The following LCN15 variants were observed in gnomAD, a reference collection of about 807,000 sequenced individuals.
The protein encoded by LCN15 is lipocalin 15.
LCN15 carries 26 observed loss-of-function variants against 23.1 expected under a neutral mutation model. The observed-to-expected ratio is 1.13, with a 90% CI of 0.82 to 1.56. The LOEUF (loss-of-function observed/expected upper bound fraction) is 1.56. Ranked by LOEUF, LCN15 falls within the 40% of genes most tolerant of loss-of-function variation. The pLI, the probability that LCN15 is intolerant of heterozygous loss-of-function variation, is 0.00. For synonymous variants in LCN15, 107 were observed against 98.3 expected (o/e 1.09, Z -0.52); for missense variants, 241 against 239.5 (o/e 1.01, Z -0.04).
At chr9:136,763,022 G>A (rs934323013) in intron 4 of LCN15, among the ~76,000 whole-genome samples, 12 of 151,332 alleles carry the variant, frequency 7.9e-5, no homozygotes, top group African/African-American at 2.2e-4. Context: ...GGCCAGAGAG[G>A]AGCATGCACC....
At position 136,763,892 on chromosome 9, in the gene LCN15, G is replaced by A. The variant is rs1280630339; in HGVS notation, c.214C>T (p.His72Tyr). Reference sequence around the variant, plus strand: ...CACCCCGGGAACTCCATGTGGACGTGGAGGCCGCCCTCCTCTGTGGGCCTG... The same window carrying A: ...CACCCCGGGAACTCCATGTGGACGTAGAGGCCGCCCTCCTCTGTGGGCCTG... ...AIRPTEEGGL[H>Y]VHMEFPGADG... Residue 72 changes from histidine (H) to tyrosine (Y), a missense_variant, in exon 2 of 7, where the codon CAC becomes TAC. Coordinates refer to ENST00000316144, the MANE Select transcript of LCN15 (RefSeq NM_203347.2). 5 of 1,613,556 alleles carry A rather than the reference G, an allele frequency of 3.1e-6. No individual in the cohort carries two copies. Among genetic ancestry groups the A allele is most frequent in the Non-Finnish European group, 4.2e-6 (5 of 1,179,978 alleles).
chr9:136,763,278 C>CG lies in LCN15; in HGVS notation c.418+78dup, dbSNP rs935591982. 29 of 557,226 alleles carry CG rather than the reference C, an allele frequency of 5.2e-5. No individual in the cohort carries two copies. In the African/African-American group the frequency reaches 1.3e-3, roughly 25 times the overall value. 34.5% of individuals were successfully genotyped at this position (557,226 alleles called of 1,614,324 possible). ...GGCGCGGGGCGGCAGGCGGGCGGGG[C>CG]GGGGGTAGGCAGAACGGGGGGCGGG... On this transcript the variant is annotated intron_variant, in intron 4 of 6. Transcript: ENST00000316144.
Position 136,761,809 on chromosome 9 carries a change from T to C in LCN15, c.*10A>G, listed in dbSNP as rs1161965629. 1.6e-6 allele frequency: 2 copies of C among 1,287,144 alleles called. No homozygotes were observed. Among genetic ancestry groups the C allele is most frequent in the Admixed American group, 3.8e-5 (1 of 26,166 alleles). The allele number at this position is 1,287,144 out of a possible 1,614,324, so 79.7% of individuals were successfully genotyped here. A position where few individuals can be genotyped will look rare whatever the true frequency, so the allele number is the denominator to read the frequency against. ...CACCTGGGAAGGGCGGGGGTGGGGCTCCGGAGGTGTCAGGGCGCCTCCTTG... is the reference window on the plus strand; with the variant it reads ...CACCTGGGAAGGGCGGGGGTGGGGCCCCGGAGGTGTCAGGGCGCCTCCTTG... On this transcript the variant is annotated 3_prime_UTR_variant, in exon 6 of 7. Transcript: ENST00000316144. This position sits in a 1 kb window ranked among gnomAD's most constrained non-coding sequence, Gnocchi z 4.2.
chr9:136,764,405 G>T lies in LCN15; in HGVS notation c.84C>A (p.Phe28Leu). Residue 28 changes from phenylalanine (F) to leucine (L), a missense_variant, in exon 1 of 7, where the codon TTC (phenylalanine) becomes TTA (leucine). By Grantham distance (22) the Phe-to-Leu change is conservative (BLOSUM62 0). Transcript: ENST00000316144. ...AQAEVLLQPD[F>L]NAEKFSGLWY... ...AGGCCCCTGGTACCTTTTCAGCATT[G>T]AAGTCAGGCTGCAGCAGAACCTCAG... 1.2e-6 allele frequency: 2 copies of T among 1,613,134 alleles called. No homozygotes were observed. Among genetic ancestry groups the T allele is most frequent in the Non-Finnish European group, 1.7e-6 (2 of 1,179,586 alleles).
chr9:136,762,745 C>CA (rs1314574838), intron 4 of LCN15, among the ~76,000 whole-genome samples: 1 of 151,972 alleles, frequency 6.6e-6, no homozygotes, highest in African/African-American at 2.4e-5. Context: ...ACTAAAAATA[C>CA]AAAAAATTAT....
Position 136,763,402 on chromosome 9 carries a change from AG to A in LCN15, c.372del (p.Tyr125ThrfsTer21). ...CTGAGGGCCCCCTCCAGCTCCTTGTAGATGTAAAGGACGGCGAAGGAGCTGT... is the reference window on the plus strand; with the variant it reads ...CTGAGGGCCCCCTCCAGCTCCTTGTAATGTAAAGGACGGCGAAGGAGCTGT... ...TDYSSFAVLY[I>X]YKELEGALST... On this transcript the variant is annotated frameshift_variant, in exon 4 of 7. Coordinates refer to ENST00000316144, the MANE Select transcript of LCN15 (RefSeq NM_203347.2). LOFTEE classifies it high-confidence loss of function. The A allele has an allele frequency of 2.5e-6, 4 of 1,608,636 alleles. No homozygotes were observed. Among genetic ancestry groups the A allele is most frequent in the Non-Finnish European group, 3.4e-6 (4 of 1,177,940 alleles).
At chr9:136,764,280 C>A in intron 1 of LCN15, 113 bp downstream of exon 1, 1 of 1,088,932 alleles carries the variant, frequency 9.2e-7, no homozygotes, top group South Asian at 1.5e-5. Context: ...ATAGCACGTG[C>A]CTGGCCGGGC....
chr9:136,763,273 C>T (rs1847340508), intron 4 of LCN15, 84 bp downstream of exon 4: 5 of 547,252 alleles, frequency 9.1e-6, no homozygotes, highest in Non-Finnish European at 1.3e-5. Flanking sequence ...GGCAGGCGGG[C>T]GGGGCGGGGG....
rs1847327103 is a variant in LCN15 at position 136,762,230 on chromosome 9, G to A, written c.478C>T (p.Leu160=). 2.5e-6 allele frequency: 4 copies of A among 1,601,482 alleles called. No individual in the cohort carries two copies. Among genetic ancestry groups the A allele is most frequent in the African/African-American group, 1.3e-5 (1 of 74,446 alleles). The change falls in exon 5 of 7, where the codon CTG becomes TTG. Residue 160 remains leucine, a synonymous_variant. Transcript: ENST00000316144. The part of the protein sequence containing the change: ...LKSFQDFYPT[L]GLPKDMMVML... ...ACCATCATGTCCTTGGGGAGCCCCA[G>A]GGTCGGGTAGAAGTCCTGGAAGGAC...
Position 136,761,902 on chromosome 9 carries a change from C to A in LCN15, c.521-49G>T. ...AGATGCTGACGGCCAGGACCGCCCT[C>A]GCTTCCCGCAGCCCCCAACCCCTGG... On this transcript the variant is annotated intron_variant, in intron 5 of 6. Transcript: ENST00000316144. This position sits in a 1 kb window ranked among gnomAD's most constrained non-coding sequence, Gnocchi z 4.2. 3.0e-6 allele frequency: 4 copies of A among 1,315,252 alleles called. No individual in the cohort carries two copies. The highest frequency in any genetic ancestry group is 3.9e-6 in the Non-Finnish European group (4 of 1,027,442). 81.5% of individuals were successfully genotyped at this position (1,315,252 alleles called of 1,614,324 possible). A position where few individuals can be genotyped will look rare whatever the true frequency, so the allele number is the denominator to read the frequency against.
intron 6 of LCN15, among the ~76,000 whole-genome samples, chr9:136,760,573 G>A (rs773723585): frequency 6.6e-6 from 1 of 152,238 alleles, no homozygotes; most frequent in Admixed American, 6.5e-5. Context: ...GACACGTGAC[G>A]TGTGGCTGTG....
rs1847333355 is a variant in LCN15 at position 136,762,725 on chromosome 9, C to A, written c.419-436G>T. Among the ~76,000 whole-genome samples the A allele has an allele frequency of 2.0e-5, 3 of 152,088 alleles. No individual in the cohort carries two copies. The South Asian group carries it at 6.2e-4, about 32-fold the overall frequency. On this transcript the variant is annotated intron_variant, in intron 4 of 6. Transcript: ENST00000316144. ...GACCATCCTGGCTAACACGGTGAAA[C>A]CCCGTCTCTACTAAAAATACAAAAA...
rs1204234207 is a variant in LCN15, at chr9:136,761,695, G to T, written c.*32+92C>A. 3.7e-6 allele frequency: 2 copies of T among 534,426 alleles called. No homozygotes were observed. Among genetic ancestry groups the T allele is most frequent in the African/African-American group, 2.0e-5 (1 of 51,176 alleles). The allele number at this position is 534,426 out of a possible 1,614,324, so 33.1% of individuals were successfully genotyped here. A position where few individuals can be genotyped will look rare whatever the true frequency, so the allele number is the denominator to read the frequency against. ...ATGGGGTCGCCAGGCAGAACAGCGG[G>T]GCAGGCATGGGGCAGACAGAACCAG... On this transcript the variant is annotated intron_variant, in intron 6 of 6. Coordinates refer to ENST00000316144, the MANE Select transcript of LCN15 (RefSeq NM_203347.2). The surrounding 1 kb of genome is among the most constrained non-coding windows in gnomAD (Gnocchi z 4.2).
At chr9:136,760,740 G>C (rs1847308405) in intron 6 of LCN15, among the ~76,000 whole-genome samples, 1 of 152,248 alleles carries the variant, frequency 6.6e-6, no homozygotes, top group South Asian at 2.1e-4. Flanking sequence ...TGGGGGAGAA[G>C]ACAAGGCTCC....
intron 4 of LCN15, among the ~76,000 whole-genome samples, chr9:136,762,717 C>A (rs1005952820): frequency 6.6e-6 from 1 of 152,094 alleles, no homozygotes; most frequent in Non-Finnish European, 1.5e-5. Context: ...CTGGCTAACA[C>A]GGTGAAACCC....
At chr9:136,762,010 C>T (rs1269476875) in intron 5 of LCN15, among the ~76,000 whole-genome samples, 157 bp from the exon 6 acceptor site, 1 of 152,164 alleles carries the variant, frequency 6.6e-6, no homozygotes, top group Non-Finnish European at 1.5e-5. Context: ...AAAGCCTCTC[C>T]CGTAGTCTGT....
At chr9:136,762,448 C>T (rs1293332017) in intron 4 of LCN15, among the ~76,000 whole-genome samples, 159 bp from the exon 5 acceptor site, 1 of 152,192 alleles carries the variant, frequency 6.6e-6, no homozygotes, top group Admixed American at 6.5e-5. Flanking sequence ...CTGAAGGAAA[C>T]TTGGGGCCCC....
rs117397960 is a variant in LCN15 at position 136,760,980 on chromosome 9, C to T, written c.*32+807G>A. 2.6e-5 allele frequency among the ~76,000 whole-genome samples: 4 copies of T among 152,354 alleles called. No individual in the cohort carries two copies. The East Asian group carries it at 7.7e-4, about 29-fold the overall frequency. On this transcript the variant is annotated intron_variant, in intron 6 of 6. Transcript: ENST00000316144. ...CCCTGAATCCAAGCACAGGCATCCT[C>T]CTAAGAAGAGGGCCGTGGGGCACTC...
chr9:136,763,092 AC>A (rs1355271772), intron 4 of LCN15, among the ~76,000 whole-genome samples: 1 of 150,688 alleles, frequency 6.6e-6, no homozygotes, highest in East Asian at 2.0e-4. Flanking sequence ...CCCAGCTCCC[AC>A]CCCACCCGGT....
Sources: allele counts gnomAD v4.1 joint callset (sites outside exome capture counted in the v4.1 genomes callset), GRCh38; gene constraint gnomAD v4.1.1; non-coding constraint Gnocchi (gnomAD v3.1); transcripts MANE v1.5; gene names NCBI Gene and HGNC (gene_info 2026-07-23, HGNC 2026-07-21).